ARHGEF10: variants seen among roughly 807,000 people sequenced by gnomAD.
ARHGEF10 encodes Rho guanine nucleotide exchange factor 10.
A neutral mutation model predicts 147.4 loss-of-function variants in ARHGEF10; 140 were observed. The ratio of observed to expected loss-of-function variants is 0.95; its 90% CI spans 0.83 to 1.09. The LOEUF (loss-of-function observed/expected upper bound fraction) is 1.09. ARHGEF10 is among the 50% of genes least tolerant of loss of function. The pLI is 0.00. For missense variants in ARHGEF10, 2,222 were observed against 1,752.7 expected, an observed-to-expected ratio of 1.27 and a Z score of -4.78; for synonymous variants, 902 against 695.8, an observed-to-expected ratio of 1.30 and a Z score of -4.67.
At chr8:1,887,946 G>A (rs1808835008) in intron 11 of ARHGEF10, among the ~76,000 whole-genome samples, 1 of 151,632 alleles carries the variant, frequency 6.6e-6, no homozygotes, top group Non-Finnish European at 1.5e-5. Context: ...TGATTGGGGT[G>A]AGGGGTCTGT....
intron 16 of ARHGEF10, 93 bp from the exon 17 acceptor site, chr8:1,905,478 G>C (rs1175507855): frequency 3.9e-6 from 6 of 1,524,352 alleles, no homozygotes; most frequent in Non-Finnish European, 1.8e-6. Context: ...GTTTGGAAAA[G>C]TCACCCTGAG....
At chr8:1,908,784 G>C (rs1341917401) in intron 17 of ARHGEF10, among the ~76,000 whole-genome samples, 1 of 132,184 alleles carries the variant, frequency 7.6e-6, no homozygotes, top group African/African-American at 2.9e-5. Flanking sequence ...ATCTGTATAA[G>C]TCATAGGGTT....
At chr8:1,882,770 T>C in intron 10 of ARHGEF10, 21 bp downstream of exon 10, 7 of 1,474,608 alleles carry the variant, frequency 4.7e-6, no homozygotes, top group Non-Finnish European at 6.4e-6. Context: ...GCAGGTCTTC[T>C]TGCGGGGAGG....
chr8:1,845,274 G>C (rs1192977301), intron 2 of ARHGEF10, among the ~76,000 whole-genome samples: 1 of 151,690 alleles, frequency 6.6e-6, no homozygotes, highest in South Asian at 2.1e-4. Context: ...GCCCACTTTG[G>C]GCGGCTGTCC....
chr8:1,833,512 C>T (rs1803395349), intron 1 of ARHGEF10, among the ~76,000 whole-genome samples: 1 of 152,286 alleles, frequency 6.6e-6, no homozygotes, highest in Admixed American at 6.5e-5. Context: ...CAGCCGCTGC[C>T]ACTGCATCCG....
Position 1,860,196 on chromosome 8 carries a change from C to G in ARHGEF10, c.481+12C>G, listed in dbSNP as rs773003509. 2 of 1,610,388 alleles carry G rather than the reference C, an allele frequency of 1.2e-6. No homozygotes were observed. The highest frequency in any genetic ancestry group is 1.7e-6 in the Non-Finnish European group (2 of 1,179,806). The stretch of plus-strand genomic sequence containing the variant: ...CCTGGACGAAGAAGGTACTGCTACC[C>G]TCCTCTCCACGCCCCCGAAGTGGCC... On this transcript the variant is annotated intron_variant, in intron 4 of 28. Transcript: ENST00000349830.
intron 11 of ARHGEF10, among the ~76,000 whole-genome samples, chr8:1,892,327 G>GTGTT (rs1554495770): frequency 7.5e-6 from 1 of 133,084 alleles, no homozygotes; most frequent in Non-Finnish European, 1.6e-5. Flanking sequence ...GTGTGTGTGT[G>GTGTT]TTTAATCCCA....
intron 2 of ARHGEF10, among the ~76,000 whole-genome samples, chr8:1,843,983 G>A (rs1165272121): frequency 6.6e-6 from 1 of 152,248 alleles, no homozygotes. Context: ...ACTATGCCAG[G>A]GTTGCCAGCT....
chr8:1,844,129 C>T (rs1449531638), intron 2 of ARHGEF10, among the ~76,000 whole-genome samples: 2 of 151,966 alleles, frequency 1.3e-5, no homozygotes, highest in Non-Finnish European at 2.9e-5. Context: ...GTGTCCGTTG[C>T]AGGTCTGGGG....
At chr8:1,835,499 A>G (rs990402504) in intron 1 of ARHGEF10, among the ~76,000 whole-genome samples, 1 of 152,164 alleles carries the variant, frequency 6.6e-6, no homozygotes, top group African/African-American at 2.4e-5. Flanking sequence ...GCCCTGGGTC[A>G]TGGTGACTTC....
At chr8:1,930,365 T>A (rs1813026686) in intron 25 of ARHGEF10, among the ~76,000 whole-genome samples, 1 of 151,940 alleles carries the variant, frequency 6.6e-6, no homozygotes, top group Non-Finnish European at 1.5e-5. Flanking sequence ...ATCACCACCC[T>A]GGTCCACACC....
chr8:1,854,800 C>A (rs189022484), intron 2 of ARHGEF10, among the ~76,000 whole-genome samples: 65 of 152,348 alleles, frequency 4.3e-4, no homozygotes, highest in Admixed American at 3.7e-3. Context: ...ACATGATGTG[C>A]GTGTCACACA....
intron 1 of ARHGEF10, 87 bp from the exon 2 acceptor site, chr8:1,843,266 G>T: frequency 1.1e-6 from 1 of 951,414 alleles, no homozygotes; most frequent in East Asian, 2.6e-5. Flanking sequence ...CTTCCTTTTT[G>T]CGGGGTTCTC....
intron 2 of ARHGEF10, among the ~76,000 whole-genome samples, chr8:1,845,222 A>G (rs1804461573): frequency 6.6e-6 from 1 of 152,232 alleles, no homozygotes; most frequent in Non-Finnish European, 1.5e-5. Context: ...GCCCCAGCAG[A>G]GCAGGGCAGT....
intron 7 of ARHGEF10, chr8:1,876,312 T>A (rs901948411): frequency 3.7e-6 from 2 of 543,122 alleles, no homozygotes; most frequent in Admixed American, 3.1e-5. Context: ...CAGGTGGTCC[T>A]CGGGGTACAG....
chr8:1,881,466 G>A (rs372747771), intron 9 of ARHGEF10, among the ~76,000 whole-genome samples: 23 of 152,186 alleles, frequency 1.5e-4, no homozygotes, highest in East Asian at 9.6e-4. Flanking sequence ...GGCTGTCTGC[G>A]GCATCGGGCG....
At chr8:1,928,037 A>T (rs1382750064) in intron 23 of ARHGEF10, among the ~76,000 whole-genome samples, 1 of 152,222 alleles carries the variant, frequency 6.6e-6, no homozygotes, top group Non-Finnish European at 1.5e-5. Context: ...CCTATTTGAA[A>T]GGTTTATTTT....
chr8:1,907,506 A>C (rs1810995348), intron 17 of ARHGEF10, among the ~76,000 whole-genome samples: 1 of 152,168 alleles, frequency 6.6e-6, no homozygotes, highest in Non-Finnish European at 1.5e-5. Flanking sequence ...TTCATCACTG[A>C]TGTTTGTCTG....
chr8:1,844,413 A>G, intron 2 of ARHGEF10, among the ~76,000 whole-genome samples: 1 of 152,120 alleles, frequency 6.6e-6, no homozygotes, highest in Non-Finnish European at 1.5e-5. Flanking sequence ...AGACGGGAGA[A>G]TCCAGGGGTC....
Sources: gnomAD v4.1 joint callset for allele counts (sites outside exome capture counted in the v4.1 genomes callset) on GRCh38, gnomAD v4.1.1 for gene constraint, MANE v1.5 for transcripts, NCBI Gene and HGNC (gene_info 2026-07-23, HGNC 2026-07-21) for gene names.